The following P2RY10 variants were observed in gnomAD, a reference collection of about 807,000 sequenced individuals.
P2RY10 encodes P2Y receptor family member 10, also known as putative P2Y purinoceptor 10.
Under a neutral mutation model 12.1 loss-of-function variants are expected in P2RY10, and 4 were observed. The observed-to-expected ratio is 0.33, with a 90% CI of 0.16 to 0.76. The LOEUF (loss-of-function observed/expected upper bound fraction) is 0.76, where lower values mean the gene tolerates loss of function less well. P2RY10 is among the 30% of genes least tolerant of loss of function. The pLI, the probability that P2RY10 is intolerant of heterozygous loss-of-function variation, is 0.61. For missense variants in P2RY10, 233 were observed against 264.6 expected, an observed-to-expected ratio of 0.88 and a Z score of 0.83; for synonymous variants, 112 against 94.1, an observed-to-expected ratio of 1.19 and a Z score of -1.10.
chrX:78,950,654 C>G (rs1484368771), intron 2 of P2RY10, among the ~76,000 whole-genome samples: 1 of 111,677 alleles, frequency 9.0e-6, no homozygotes, highest in Non-Finnish European at 1.9e-5. Context: ...TGGTGGGCAG[C>G]AATTTGCCAT....
intron 1 of P2RY10, among the ~76,000 whole-genome samples, 160 bp from the exon 2 acceptor site, chrX:78,947,655 A>C (rs1198139399): frequency 8.9e-6 from 1 of 111,804 alleles, no homozygotes; most frequent in African/African-American, 3.3e-5. Context: ...CAATGATTTG[A>C]GTTAGACTGT....
intron 3 of P2RY10, 34 bp from the exon 4 acceptor site, chrX:78,960,474 C>G: frequency 9.1e-7 from 1 of 1,093,496 alleles, no homozygotes; most frequent in Non-Finnish European, 1.2e-6. Flanking sequence ...ACTAATTAAC[C>G]ATTTTACTCT....
chrX:78,960,481 C>T, intron 3 of P2RY10, 27 bp from the exon 4 acceptor site: 3 of 1,134,196 alleles, frequency 2.6e-6, no homozygotes, highest in Non-Finnish European at 3.6e-6. Flanking sequence ...AACCATTTTA[C>T]TCTTTATTTT....
intron 3 of P2RY10, among the ~76,000 whole-genome samples, chrX:78,953,714 G>A (rs963669823): frequency 4.5e-5 from 5 of 111,241 alleles, no homozygotes; most frequent in Non-Finnish European, 9.4e-5. Flanking sequence ...AAAATACTAT[G>A]TCCCAAAAAA....
Position 78,961,511 on chromosome X carries a change from A to C in P2RY10, c.991A>C (p.Lys331Gln), listed in dbSNP as rs1363721648. The C allele has an allele frequency of 1.7e-6, 2 of 1,204,799 alleles. No homozygotes were observed. The highest frequency in any genetic ancestry group is 5.9e-5 in the East Asian group (2 of 33,772). Residue 331 changes from lysine (K) to glutamine (Q), a missense_variant, in exon 4 of 4, where the codon AAG becomes CAG. Lys to Gln is a moderately conservative substitution (Grantham distance 53). Transcript: ENST00000171757. ...SSVTRSRLMSKESGSSMIG is the reference protein window; with the variant it reads ...SSVTRSRLMSQESGSSMIG Reference sequence around the variant, plus strand: ...TGTGACCCGCTCCCGCCTCATGAGCAAGGAGAGTGGTTCATCAATGATTGG... The same window carrying C: ...TGTGACCCGCTCCCGCCTCATGAGCCAGGAGAGTGGTTCATCAATGATTGG...
intron 2 of P2RY10, among the ~76,000 whole-genome samples, chrX:78,950,580 A>T (rs1922060828): frequency 9.0e-6 from 1 of 111,520 alleles, no homozygotes; most frequent in African/African-American, 3.3e-5. Flanking sequence ...ATTTGTTATA[A>T]TTTGAATTCA....
At chrX:78,946,759 T>G (rs957330449) in intron 1 of P2RY10, among the ~76,000 whole-genome samples, 37 of 112,677 alleles carry the variant, frequency 3.3e-4, no homozygotes, top group Non-Finnish European at 1.3e-4. Context: ...CAATGGTTCC[T>G]GTTGAACACA....
intron 1 of P2RY10, among the ~76,000 whole-genome samples, chrX:78,947,442 C>G (rs1244821082): frequency 8.9e-6 from 1 of 111,935 alleles, no homozygotes. Flanking sequence ...CTCCTAGTAT[C>G]AGTTCATATA....
chrX:78,961,175 T>C lies in P2RY10; in HGVS notation c.655T>C (p.Trp219Arg). Reference protein sequence around the residue: ...IPVIIIAWCTWKTTISLRQPP... With the variant: ...IPVIIIAWCTRKTTISLRQPP... ...AGTGATCATCATCGCATGGTGTACC[T>C]GGAAAACTACTATATCCTTGAGACA... The change falls in exon 4 of 4, where the codon TGG (tryptophan) becomes CGG (arginine). Residue 219 changes from tryptophan to arginine, a missense_variant. By Grantham distance (101) the Trp-to-Arg change is moderately radical. Transcript: ENST00000171757. The C allele has an allele frequency of 5.0e-6, 6 of 1,210,844 alleles. No individual in the cohort carries two copies. The highest frequency in any genetic ancestry group is 6.7e-6 in the Non-Finnish European group (6 of 894,524).
intron 3 of P2RY10, among the ~76,000 whole-genome samples, chrX:78,954,388 G>A (rs1159368881): frequency 9.0e-6 from 1 of 111,042 alleles, no homozygotes; most frequent in Non-Finnish European, 1.9e-5. Flanking sequence ...TTCACCAGGT[G>A]GGATAGAATT....
At chrX:78,957,266 T>C (rs895567216) in intron 3 of P2RY10, among the ~76,000 whole-genome samples, 1 of 106,157 alleles carries the variant, frequency 9.4e-6, no homozygotes, top group African/African-American at 3.5e-5. Context: ...TATGTCCAGA[T>C]TGGAGGGGAG....
intron 3 of P2RY10, among the ~76,000 whole-genome samples, chrX:78,959,298 C>G (rs1054976920): frequency 3.1e-4 from 34 of 111,000 alleles, no homozygotes; most frequent in African/African-American, 1.1e-3. Context: ...TAATAAACTC[C>G]TCTCTCTGGG....
At chrX:78,960,175 G>A (rs189080007) in intron 3 of P2RY10, among the ~76,000 whole-genome samples, 10 of 112,204 alleles carry the variant, frequency 8.9e-5, no homozygotes, top group African/African-American at 2.9e-4. Flanking sequence ...AGACAAATTT[G>A]GAGTCAAAAT....
At chrX:78,947,497 G>A (rs1392230620) in intron 1 of P2RY10, among the ~76,000 whole-genome samples, 1 of 112,171 alleles carries the variant, frequency 8.9e-6, no homozygotes, top group Non-Finnish European at 1.9e-5. Flanking sequence ...TACATAAGGA[G>A]TCAGAAGTCT....
In P2RY10 at chrX:78,961,700, G is replaced by A. The variant is rs1336874139; in HGVS notation, c.*160G>A. 4 of 380,193 alleles carry A rather than the reference G, an allele frequency of 1.1e-5. No individual in the cohort carries two copies. Among genetic ancestry groups the A allele is most frequent in the Non-Finnish European group, 1.8e-5 (4 of 218,685 alleles). 31.3% of individuals were successfully genotyped at this position (380,193 alleles called of 1,213,427 possible). ...AGTCAACAGGGGTGTGATGGTGAAG[G>A]CAGAGTGTGAAAAACGTGAGAGAGG... On this transcript the variant is annotated 3_prime_UTR_variant, in exon 4 of 4. Transcript: ENST00000171757.
Position 78,961,529 on chromosome X carries a change from A to C in P2RY10, c.1009A>C (p.Met337Leu). Residue 337 changes from methionine (M) to leucine (L), a missense_variant, in exon 4 of 4, where the codon ATG becomes CTG. Met to Leu is a conservative substitution (Grantham distance 15, BLOSUM62 2). Transcript: ENST00000171757. ...RLMSKESGSS[M>L]IG ...CATGAGCAAGGAGAGTGGTTCATCA[A>C]TGATTGGCTAAAATTAAGATATCTC... The C allele has an allele frequency of 8.5e-7, 1 of 1,182,563 alleles. No homozygotes were observed. Among genetic ancestry groups the C allele is most frequent in the Non-Finnish European group, 1.1e-6 (1 of 875,718 alleles).
chrX:78,946,071 C>T (rs191269269), intron 1 of P2RY10, among the ~76,000 whole-genome samples: 2 of 111,644 alleles, frequency 1.8e-5, no homozygotes, highest in East Asian at 2.8e-4. Flanking sequence ...GAAGTGAAGA[C>T]ACTTAGGTTC....
In P2RY10 at chrX:78,961,594, T is replaced by C. The variant is rs1398419045; in HGVS notation, c.*54T>C. 2.2e-6 allele frequency: 2 copies of C among 930,053 alleles called. No homozygotes were observed. Among genetic ancestry groups the C allele is most frequent in the Non-Finnish European group, 3.0e-6 (2 of 667,401 alleles). The allele number at this position is 930,053 out of a possible 1,213,427, so 76.6% of individuals were successfully genotyped here. A position where few individuals can be genotyped will look rare whatever the true frequency, so the allele number is the denominator to read the frequency against. ...TGTTTACCTACGTTCCTTGTCTTTT[T>C]CCAAAGGCCAGAATTGTCAACCAAT... is the stretch of plus-strand genomic sequence containing the variant. On this transcript the variant is annotated 3_prime_UTR_variant, in exon 4 of 4. Transcript: ENST00000171757.
In P2RY10 at chrX:78,961,165, A is replaced by G. The variant is rs1280207572; in HGVS notation, c.645A>G (p.Ala215=). ...TTGTGATCCCAGTGATCATCATCGC[A>G]TGGTGTACCTGGAAAACTACTATAT... ...AGFVIPVIII[A]WCTWKTTISL... The change falls in exon 4 of 4, where the codon GCA becomes GCG. Residue 215 remains alanine (A), a synonymous_variant. Coordinates refer to ENST00000171757, the MANE Select transcript of P2RY10 (RefSeq NM_014499.4). 1.7e-6 allele frequency: 2 copies of G among 1,211,118 alleles called. No homozygotes were observed. The highest frequency in any genetic ancestry group is 1.1e-6 in the Non-Finnish European group (1 of 894,878).
Sources: allele counts gnomAD v4.1 joint callset (sites outside exome capture counted in the v4.1 genomes callset), GRCh38; gene constraint gnomAD v4.1.1; transcripts MANE v1.5; gene names NCBI Gene and HGNC (gene_info 2026-07-23, HGNC 2026-07-21).